Variants in DUSP16 observed in about 807,000 individuals in gnomAD.
The protein encoded by DUSP16 is dual specificity phosphatase 16, also known as dual specificity protein phosphatase 16.
Under a neutral mutation model 58.3 loss-of-function variants are expected in DUSP16, and 21 were observed. The observed-to-expected ratio is 0.36, with a 90% confidence interval of 0.26 to 0.52. The LOEUF is 0.52. Ranked by LOEUF, DUSP16 falls within the 20% of genes least tolerant of loss-of-function variation. The pLI, the probability that DUSP16 is intolerant of heterozygous loss-of-function variation, is 0.94. For missense variants in DUSP16, 726 were observed against 819.0 expected (o/e 0.89, Z 1.39); for synonymous variants, 320 against 323.8 (o/e 0.99, Z 0.12).
At chr12:12,561,190 AAT>A (rs1335986447) in intron 1 of DUSP16, 3 of 152,152 alleles carry the variant, frequency 2.0e-5, no homozygotes, top group Non-Finnish European at 4.4e-5. Flanking sequence ...CCCCACGGCA[AAT>A]GAGATTATGC....
intron 4 of DUSP16, among the ~76,000 whole-genome samples, chr12:12,489,141 C>T (rs1264727595): frequency 6.6e-6 from 1 of 152,146 alleles, no homozygotes; most frequent in African/African-American, 2.4e-5. Context: ...GCAACCATCT[C>T]TTATCTCTGA....
chr12:12,522,774 G>A (rs1944254735), intron 1 of DUSP16, among the ~76,000 whole-genome samples: 1 of 151,854 alleles, frequency 6.6e-6, no homozygotes, highest in Admixed American at 6.6e-5. Flanking sequence ...ATGTTGCCCA[G>A]GCTGGTCTCA....
At chr12:12,556,558 G>T (rs1309122823) in intron 1 of DUSP16, among the ~76,000 whole-genome samples, 1 of 151,534 alleles carries the variant, frequency 6.6e-6, no homozygotes, top group East Asian at 1.9e-4. Context: ...CTGTGTGACA[G>T]AGACAGACCC....
intron 1 of DUSP16, among the ~76,000 whole-genome samples, chr12:12,536,301 T>C (rs1256142175): frequency 6.6e-6 from 1 of 152,234 alleles, no homozygotes; most frequent in Non-Finnish European, 1.5e-5. Context: ...GATTGAATTA[T>C]TGCACCAGAA....
chr12:12,551,875 G>A (rs1167610138), intron 1 of DUSP16, among the ~76,000 whole-genome samples: 1 of 152,004 alleles, frequency 6.6e-6, no homozygotes, highest in East Asian at 1.9e-4. Context: ...GTTATTTTTA[G>A]TAGAGACGGG....
intron 1 of DUSP16, among the ~76,000 whole-genome samples, chr12:12,549,471 T>C (rs553340081): frequency 2.0e-5 from 3 of 152,234 alleles, no homozygotes; most frequent in Admixed American, 2.0e-4. Context: ...CCACTCTCTG[T>C]CCACAGCCTC....
chr12:12,480,584 T>C (rs1943546065), intron 5 of DUSP16, among the ~76,000 whole-genome samples: 1 of 152,220 alleles, frequency 6.6e-6, no homozygotes, highest in Non-Finnish European at 1.5e-5. Flanking sequence ...AATTCGTTAA[T>C]AAGCAAGCTA....
intron 3 of DUSP16, among the ~76,000 whole-genome samples, chr12:12,501,370 G>C (rs1943907361): frequency 6.6e-6 from 1 of 152,250 alleles, no homozygotes; most frequent in Admixed American, 6.5e-5. Context: ...CAAGATTACT[G>C]AACTCAGAAT....
At chr12:12,490,086 A>T (rs904258263) in intron 4 of DUSP16, among the ~76,000 whole-genome samples, 6 of 152,176 alleles carry the variant, frequency 3.9e-5, no homozygotes, top group South Asian at 4.1e-4. Context: ...TCAAATTTTT[A>T]AACATTTTTT....
At chr12:12,497,853 T>C (rs1458784349) in intron 4 of DUSP16, among the ~76,000 whole-genome samples, 2 of 151,574 alleles carry the variant, frequency 1.3e-5, no homozygotes, top group Non-Finnish European at 1.5e-5. Flanking sequence ...GCCTGTAGTC[T>C]CAGCTACTCG....
rs80062584 is a variant in DUSP16 at position 12,494,462 on chromosome 12, T to C, written c.531+6057A>G. 8.5e-3 allele frequency among the ~76,000 whole-genome samples: 1,296 copies of C among 152,288 alleles called. 22 individuals are homozygous for C. Among genetic ancestry groups the C allele is most frequent in the African/African-American group, 0.029 (1,214 of 41,558 alleles). On this transcript the variant is annotated intron_variant, in intron 4 of 6. Coordinates refer to ENST00000298573, the MANE Select transcript of DUSP16 (RefSeq NM_030640.3). The stretch of plus-strand genomic sequence containing the variant: ...TAGTCTACTAGCAACTGTAAGACAG[T>C]TGCACGAATAATGATGATACAAAGA...
At chr12:12,542,817 C>G (rs1944585110) in intron 1 of DUSP16, among the ~76,000 whole-genome samples, 1 of 152,158 alleles carries the variant, frequency 6.6e-6, no homozygotes, top group Non-Finnish European at 1.5e-5. Context: ...TGTGTCCCCA[C>G]TAAATTCTTA....
chr12:12,503,640 T>C (rs1053796535), intron 3 of DUSP16, among the ~76,000 whole-genome samples: 1 of 152,184 alleles, frequency 6.6e-6, no homozygotes, highest in Non-Finnish European at 1.5e-5. Flanking sequence ...CTTCCCAAAG[T>C]GTGCCCCAGA....
chr12:12,552,410 C>T (rs1370603421), intron 1 of DUSP16, among the ~76,000 whole-genome samples: 1 of 151,920 alleles, frequency 6.6e-6, no homozygotes, highest in Non-Finnish European at 1.5e-5. Flanking sequence ...CACACCACTG[C>T]ACTCCAGCCT....
Position 12,562,615 on chromosome 12 carries a change from C to T in DUSP16, c.-864G>A, listed in dbSNP as rs1944925034. 6.6e-6 allele frequency among the ~76,000 whole-genome samples: 1 copy of T among 152,002 alleles called. No individual in the cohort carries two copies. Among genetic ancestry groups the T allele is most frequent in the South Asian group, 2.1e-4 (1 of 4,832 alleles). On this transcript the variant is annotated 5_prime_UTR_variant, in exon 1 of 7. Transcript: ENST00000298573. ...AGAGAAAGAGTCGCTGGTCAGGAAA[C>T]TTCAAGCGCGGATGAGGTCATTGGT... is the stretch of plus-strand genomic sequence containing the variant.
intron 4 of DUSP16, among the ~76,000 whole-genome samples, chr12:12,495,081 T>G (rs1943810274): frequency 6.6e-6 from 1 of 152,148 alleles, no homozygotes; most frequent in Non-Finnish European, 1.5e-5. Flanking sequence ...AAAATAAGGC[T>G]AATGATGTGT....
rs1196972964 is a variant in DUSP16 at position 12,562,835 on chromosome 12, C to A, written c.-1084G>T. On this transcript the variant is annotated 5_prime_UTR_variant, in exon 1 of 7. An upstream start codon of the reference 5' UTR is lost. Transcript: ENST00000298573. ...CCGGCCGCTCGGGGAGGGGTCAGGT[C>A]ATGTTCCCTTCCAGAGTCCGGCGAC... 6.6e-6 allele frequency among the ~76,000 whole-genome samples: 1 copy of A among 151,800 alleles called. No individual in the cohort carries two copies. Among genetic ancestry groups the A allele is most frequent in the Non-Finnish European group, 1.5e-5 (1 of 67,882 alleles).
chr12:12,513,191 G>C (rs928606804), intron 3 of DUSP16, among the ~76,000 whole-genome samples: 1 of 152,208 alleles, frequency 6.6e-6, no homozygotes, highest in Non-Finnish European at 1.5e-5. Context: ...GACCTTTGCT[G>C]TGTTCTTAAT....
At chr12:12,546,149 A>G (rs1944638486) in intron 1 of DUSP16, among the ~76,000 whole-genome samples, 1 of 152,248 alleles carries the variant, frequency 6.6e-6, no homozygotes. Context: ...TAAATTTATG[A>G]AATGCTATCA....
Sources: allele counts gnomAD v4.1 joint callset (sites outside exome capture counted in the v4.1 genomes callset), GRCh38; gene constraint gnomAD v4.1.1; transcripts MANE v1.5; gene names NCBI Gene and HGNC (gene_info 2026-07-23, HGNC 2026-07-21).